Variants in ADCY2 observed in about 807,000 individuals in gnomAD.
ADCY2 encodes adenylate cyclase type 2.
ADCY2 carries 31 observed loss-of-function variants against 125.2 expected under a neutral mutation model. The ratio of observed to expected loss-of-function variants is 0.25; its 90% confidence interval spans 0.19 to 0.33. The LOEUF (loss-of-function observed/expected upper bound fraction) is 0.33, where lower values mean the gene tolerates loss of function less well. Ranked by LOEUF, ADCY2 falls within the 10% of genes least tolerant of loss-of-function variation. The probability of loss-of-function intolerance (pLI) is 1.00; values close to 1 mark genes in which losing one functional copy is unlikely to be tolerated. For missense variants in ADCY2, 904 were observed against 1,418.2 expected (o/e 0.64, Z 5.82); for synonymous variants, 512 against 548.4 (o/e 0.93, Z 0.93).
At chr5:7,784,555 G>T in intron 19 of ADCY2, 106 bp downstream of exon 19, 1 of 777,120 alleles carries the variant, frequency 1.3e-6, no homozygotes, top group South Asian at 1.9e-5. Flanking sequence ...AAACGTCTAA[G>T]AATTAGAATC....
chr5:7,745,678 C>G (rs558187805), intron 15 of ADCY2, among the ~76,000 whole-genome samples: 14 of 152,182 alleles, frequency 9.2e-5, no homozygotes, highest in African/African-American at 3.4e-4. Flanking sequence ...AAGCCCATGT[C>G]TCAGGTTTCC....
chr5:7,582,019 A>G (rs1294164353), intron 3 of ADCY2, among the ~76,000 whole-genome samples: 4 of 152,160 alleles, frequency 2.6e-5, no homozygotes, highest in Admixed American at 2.0e-4. Flanking sequence ...ACCAAGTTAT[A>G]TGTTGTTTGC....
chr5:7,396,597 C>A lies in ADCY2; in HGVS notation c.210+91C>A. 1.3e-6 allele frequency: 1 copy of A among 776,884 alleles called. No individual in the cohort carries two copies. Among genetic ancestry groups the A allele is most frequent in the Non-Finnish European group, 1.7e-6 (1 of 582,288 alleles). 48.1% of individuals were successfully genotyped at this position (776,884 alleles called of 1,614,324 possible). ...GAGCCGCGTCCCGCTCCGGGCTGCC[C>A]CTCGGCCCGCGGCAGCCCCTCGGCC... On this transcript the variant is annotated intron_variant, in intron 1 of 24. Transcript: ENST00000338316. The surrounding 1 kb of genome is among the most constrained non-coding windows in gnomAD (Gnocchi z 5.7).
chr5:7,645,883 A>G (rs1041808792), intron 4 of ADCY2, among the ~76,000 whole-genome samples: 1 of 152,246 alleles, frequency 6.6e-6, no homozygotes, highest in Non-Finnish European at 1.5e-5. Context: ...CATTTTGCAT[A>G]AACAACACCA....
rs1174358985 is a variant in ADCY2 at position 7,754,460 on chromosome 5, T to C, written c.1957-2989T>C. On this transcript the variant is annotated intron_variant, in intron 15 of 24. Coordinates refer to ENST00000338316, the MANE Select transcript of ADCY2 (RefSeq NM_020546.3). ...TTTCATTATCATATCTATTGATAATTTCTGTGTACAGAAATTATCATAATT... is the reference window on the plus strand; with the variant it reads ...TTTCATTATCATATCTATTGATAATCTCTGTGTACAGAAATTATCATAATT... 2.0e-5 allele frequency among the ~76,000 whole-genome samples: 3 copies of C among 152,222 alleles called. No homozygotes were observed. In the East Asian group the frequency reaches 5.8e-4, roughly 29 times the overall value.
chr5:7,663,467 C>T (rs1016677600), intron 4 of ADCY2, among the ~76,000 whole-genome samples: 1 of 152,260 alleles, frequency 6.6e-6, no homozygotes. Context: ...CCTCAGTGCC[C>T]ACCAACAGAC....
chr5:7,669,771 A>G (rs2126702865), intron 4 of ADCY2, among the ~76,000 whole-genome samples: 2 of 152,294 alleles, frequency 1.3e-5, no homozygotes, highest in East Asian at 3.9e-4. Context: ...GCTGCCGGCA[A>G]TGGGGAACCA....
chr5:7,550,178 C>T (rs1735281778), intron 3 of ADCY2, among the ~76,000 whole-genome samples: 2 of 152,204 alleles, frequency 1.3e-5, no homozygotes, highest in Non-Finnish European at 2.9e-5. Context: ...AAATGACAAC[C>T]AGGAACTTTT....
chr5:7,629,348 G>A (rs1738240652), intron 4 of ADCY2, among the ~76,000 whole-genome samples: 1 of 152,118 alleles, frequency 6.6e-6, no homozygotes, highest in Non-Finnish European at 1.5e-5. Flanking sequence ...AAACTATTGG[G>A]ACCTGTCTAA....
At chr5:7,725,463 G>T (rs1032837555) in intron 13 of ADCY2, among the ~76,000 whole-genome samples, 3 of 149,468 alleles carry the variant, frequency 2.0e-5, no homozygotes, top group Non-Finnish European at 4.5e-5. Flanking sequence ...ACACCAAAAG[G>T]TTTTTTTTTT....
chr5:7,476,815 TG>T (rs1742542695), intron 2 of ADCY2, among the ~76,000 whole-genome samples: 1 of 152,238 alleles, frequency 6.6e-6, no homozygotes, highest in Admixed American at 6.5e-5. Context: ...GTCAATGTCT[TG>T]TTTTCTAATA....
intron 16 of ADCY2, among the ~76,000 whole-genome samples, chr5:7,758,944 C>T (rs533317014): frequency 7.2e-5 from 11 of 152,182 alleles, no homozygotes; most frequent in Non-Finnish European, 1.0e-4. Context: ...GGTCAGTCCT[C>T]CAGGTCACGC....
At chr5:7,766,561 C>A in intron 16 of ADCY2, 126 bp from the exon 17 acceptor site, 1 of 894,020 alleles carries the variant, frequency 1.1e-6, no homozygotes, top group East Asian at 2.8e-5. Flanking sequence ...ATAGAAATTC[C>A]CGAGTCCACA....
At chr5:7,603,810 C>CTTT (rs1737309675) in intron 3 of ADCY2, among the ~76,000 whole-genome samples, 2 of 60,404 alleles carry the variant, frequency 3.3e-5, no homozygotes, top group African/African-American at 1.2e-4. Context: ...TTTTTTTTTT[C>CTTT]TTTTGTTTTT....
intron 22 of ADCY2, among the ~76,000 whole-genome samples, chr5:7,814,088 A>G (rs1745029466): frequency 6.6e-6 from 1 of 152,166 alleles, no homozygotes. Context: ...TGACATTCTG[A>G]AATTCCACCA....
chr5:7,430,553 T>TACTATATATATCAATATAG lies in ADCY2; in HGVS notation c.408+15783_408+15784insACTATATATATCAATATAG, dbSNP rs1294953329. ...ATATATACTATATATATATAGTATA[T>TACTATATATATCAATATAG]TGATATACTATATATATAGTGTATA... On this transcript the variant is annotated intron_variant, in intron 2 of 24. Coordinates refer to ENST00000338316, the MANE Select transcript of ADCY2 (RefSeq NM_020546.3). 6.1e-5 allele frequency among the ~76,000 whole-genome samples: 9 copies of TACTATATATATCAATATAG among 148,358 alleles called. No homozygotes were observed. In the South Asian group the frequency reaches 1.9e-3, roughly 31 times the overall value.
intron 15 of ADCY2, 34 bp downstream of exon 15, chr5:7,743,786 T>G: frequency 6.3e-7 from 1 of 1,594,320 alleles, no homozygotes; most frequent in Non-Finnish European, 8.6e-7. Flanking sequence ...CTTTGAAAAG[T>G]ATGCTCATTT....
At chr5:7,617,956 T>A (rs1380436861) in intron 3 of ADCY2, among the ~76,000 whole-genome samples, 9 of 152,190 alleles carry the variant, frequency 5.9e-5, no homozygotes, top group Non-Finnish European at 1.0e-4. Context: ...CAGTGATGCA[T>A]CCTTTTATAA....
At chr5:7,736,840 A>G (rs1275424186) in intron 14 of ADCY2, among the ~76,000 whole-genome samples, 2 of 152,192 alleles carry the variant, frequency 1.3e-5, no homozygotes. Context: ...TTGTTAGTAG[A>G]TTAACACATA....
Sources: gnomAD v4.1 joint callset for allele counts (sites outside exome capture counted in the v4.1 genomes callset) on GRCh38, gnomAD v4.1.1 for gene constraint, Gnocchi (gnomAD v3.1) non-coding constraint, MANE v1.5 for transcripts, NCBI Gene and HGNC (gene_info 2026-07-23, HGNC 2026-07-21) for gene names.